Variants in MAPT observed in about 807,000 individuals in gnomAD.
The protein encoded by MAPT is microtubule-associated protein tau.
Under a neutral mutation model 67.9 loss-of-function variants are expected in MAPT, and 34 were observed. The observed-to-expected ratio is 0.50, with a 90% CI of 0.38 to 0.67. The LOEUF (loss-of-function observed/expected upper bound fraction) is 0.67. MAPT is among the 30% of genes least tolerant of loss of function. The probability of loss-of-function intolerance (pLI) is 0.00; values close to 1 mark genes in which losing one functional copy is unlikely to be tolerated. For missense variants in MAPT, 881 were observed against 1,115.2 expected, an observed-to-expected ratio of 0.79 and a Z score of 2.99; for synonymous variants, 456 against 464.5, an observed-to-expected ratio of 0.98 and a Z score of 0.23.
At chr17:45,933,605 C>T (rs1033887127) in intron 1 of MAPT, among the ~76,000 whole-genome samples, 1 of 151,620 alleles carries the variant, frequency 6.6e-6, no homozygotes, top group Non-Finnish European at 1.5e-5. Context: ...CTGCTCCCTT[C>T]ACCTGGCCCC....
intron 1 of MAPT, among the ~76,000 whole-genome samples, chr17:45,909,279 G>C (rs183908549): frequency 6.6e-6 from 1 of 152,110 alleles, no homozygotes; most frequent in African/African-American, 2.4e-5. Flanking sequence ...CCCATGTCAC[G>C]GGGACTCCAC....
rs148270063 is a variant in MAPT at position 45,985,246 on chromosome 17, A to G, written c.1351+1316A>G. ...CTTGAACCCAGGAGGCAGAGGTTAC[A>G]GTGAGCCAAGATCACACCACTGTAC... On this transcript the variant is annotated intron_variant, in intron 5 of 12. Coordinates refer to ENST00000262410, the MANE Select transcript of MAPT (RefSeq NM_001377265.1). 9.5e-3 allele frequency among the ~76,000 whole-genome samples: 1,453 copies of G among 152,310 alleles called. 24 individuals carry two copies. The highest frequency in any genetic ancestry group is 0.031 in the African/African-American group (1,283 of 41,572).
At chr17:45,986,040 G>A (rs2073503406) in intron 5 of MAPT, among the ~76,000 whole-genome samples, 1 of 152,262 alleles carries the variant, frequency 6.6e-6, no homozygotes, top group Admixed American at 6.5e-5. Context: ...AAGAGAAGGA[G>A]AAGGGTGAGT....
chr17:46,020,616 C>G (rs1400190659), intron 12 of MAPT, among the ~76,000 whole-genome samples: 2 of 152,158 alleles, frequency 1.3e-5, no homozygotes, highest in Non-Finnish European at 2.9e-5. Flanking sequence ...CTGGGGAGGC[C>G]TGACAATCAT....
intron 4 of MAPT, 90 bp from the exon 5 acceptor site, chr17:45,982,776 C>A: frequency 3.4e-6 from 2 of 581,884 alleles, no homozygotes; most frequent in Non-Finnish European, 4.5e-6. Context: ...GATGCCCTCT[C>A]AGTGTCATTT....
At chr17:46,017,022 C>G (rs2076227058) in intron 11 of MAPT, among the ~76,000 whole-genome samples, 1 of 152,156 alleles carries the variant, frequency 6.6e-6, no homozygotes, top group Non-Finnish European at 1.5e-5. Flanking sequence ...TTACTTGAAC[C>G]CTTACTGTGG....
In MAPT at chr17:46,018,446, T is replaced by C. The variant is rs1439642445; in HGVS notation, c.2174-172T>C. Among the ~76,000 whole-genome samples, 3 of 152,210 alleles carry C rather than the reference T, an allele frequency of 2.0e-5. No individual in the cohort carries two copies. In the East Asian group the frequency reaches 5.8e-4, roughly 29 times the overall value. ...TCAAGTCCTGCTGCAAACCTGGAAG[T>C]CCTGTCATTGTCTTCTTCCCTCCAG... On this transcript the variant is annotated intron_variant, in intron 11 of 12. Coordinates refer to ENST00000262410, the MANE Select transcript of MAPT (RefSeq NM_001377265.1).
chr17:45,941,620 T>TCCC (rs2067884254), intron 1 of MAPT, among the ~76,000 whole-genome samples: 1 of 105,626 alleles, frequency 9.5e-6, no homozygotes, highest in African/African-American at 4.0e-5. Flanking sequence ...CCCTCCCCCC[T>TCCC]TCCCTCCTTC....
At chr17:45,951,138 C>T (rs999122994) in intron 1 of MAPT, among the ~76,000 whole-genome samples, 5 of 152,148 alleles carry the variant, frequency 3.3e-5, no homozygotes, top group African/African-American at 4.8e-5. Flanking sequence ...TTCCCTTATA[C>T]GAAATATCCA....
chr17:45,937,202 G>C (rs1180146864), intron 1 of MAPT, among the ~76,000 whole-genome samples: 1 of 152,152 alleles, frequency 6.6e-6, no homozygotes, highest in African/African-American at 2.4e-5. Context: ...AGAAGTACCA[G>C]AGCTGTGAAA....
chr17:45,914,012 T>C (rs909356148), intron 1 of MAPT, among the ~76,000 whole-genome samples: 8 of 151,804 alleles, frequency 5.3e-5, no homozygotes, highest in African/African-American at 1.9e-4. Flanking sequence ...TATCCAGGCC[T>C]GATAAAAGAG....
At chr17:45,936,035 T>C (rs2067291341) in intron 1 of MAPT, among the ~76,000 whole-genome samples, 1 of 152,208 alleles carries the variant, frequency 6.6e-6, no homozygotes, top group Admixed American at 6.5e-5. Context: ...GCAGAGAGCA[T>C]GTTGTCTGTC....
intron 1 of MAPT, among the ~76,000 whole-genome samples, chr17:45,926,968 CATATATGTGTATATATAT>C (rs2066390854): frequency 1.3e-5 from 2 of 149,316 alleles, no homozygotes; most frequent in Non-Finnish European, 3.0e-5. Context: ...TATATATATA[CATATATGTGTATATATAT>C]ACACACACAT....
rs538395418 is a variant in MAPT, at chr17:46,026,117, A to G, written c.*1946A>G. 6 of 151,090 alleles carry G rather than the reference A, an allele frequency of 4.0e-5. No homozygotes were observed. The highest frequency in any genetic ancestry group is 1.5e-4 in the African/African-American group (6 of 41,084). The allele number at this position is 151,090 out of a possible 1,614,324, so 9.4% of individuals were successfully genotyped here. ...AAAAAAAAAAAAAAAGGACGCATGT[A>G]TCTTGAAATGCTTGTAAAGAGGTTT... On this transcript the variant is annotated 3_prime_UTR_variant, in exon 13 of 13. Transcript: ENST00000262410.
Position 45,915,280 on chromosome 17 carries a change from TGTG to T in MAPT, c.-18+20596_-18+20598del, listed in dbSNP as rs976295231. ...TAAGCATGAGTGTGTATGTGTGTGG[TGTG>T]GGGGTGTGTGCTGTGTGAGCGTGTG... On this transcript the variant is annotated intron_variant, in intron 1 of 12. Coordinates refer to ENST00000262410, the MANE Select transcript of MAPT (RefSeq NM_001377265.1). The surrounding 1 kb of genome is among the most constrained non-coding windows in gnomAD (Gnocchi z 4.4). 1.3e-5 allele frequency among the ~76,000 whole-genome samples: 2 copies of T among 148,694 alleles called. No homozygotes were observed. Among genetic ancestry groups the T allele is most frequent in the Non-Finnish European group, 3.0e-5 (2 of 67,200 alleles).
In MAPT at chr17:45,903,759, T is replaced by A. The variant is rs193133256; in HGVS notation, c.-18+9073T>A. On this transcript the variant is annotated intron_variant, in intron 1 of 12. Transcript: ENST00000262410. ...AATCTCTTTGGTTTTATATATATTT[T>A]TTTTATATATATAATATATATTAAA... Among the ~76,000 whole-genome samples, 218 of 78,176 alleles carry A rather than the reference T, an allele frequency of 2.8e-3. 3 individuals carry two copies. The highest frequency in any genetic ancestry group is 5.0e-3 in the Non-Finnish European group (177 of 35,406). 51.3% of individuals were successfully genotyped at this position (78,176 alleles called of 152,430 possible).
At chr17:46,004,997 GA>G (rs1183529524) in intron 9 of MAPT, among the ~76,000 whole-genome samples, 1 of 152,168 alleles carries the variant, frequency 6.6e-6, no homozygotes, top group African/African-American at 2.4e-5. Flanking sequence ...TGTTAGCCAG[GA>G]TGGTCTCAAT....
chr17:45,978,276 T>G (rs771204884), intron 3 of MAPT, 99 bp from the exon 4 acceptor site: 1 of 930,764 alleles, frequency 1.1e-6, no homozygotes, highest in Non-Finnish European at 1.8e-6. Flanking sequence ...CTTTCCTGAA[T>G]GTTTAAGGGA....
At chr17:45,922,112 A>G (rs996060251) in intron 1 of MAPT, among the ~76,000 whole-genome samples, 2 of 151,906 alleles carry the variant, frequency 1.3e-5, no homozygotes, top group Admixed American at 6.6e-5. Context: ...TCCCAGGTTC[A>G]AGCAATTCTC....
Sources: gnomAD v4.1 joint callset for allele counts (sites outside exome capture counted in the v4.1 genomes callset) on GRCh38, gnomAD v4.1.1 for gene constraint, Gnocchi (gnomAD v3.1) non-coding constraint, MANE v1.5 for transcripts, NCBI Gene and HGNC (gene_info 2026-07-23, HGNC 2026-07-21) for gene names.